Variants in BLTP2 observed in about 807,000 individuals in gnomAD.
BLTP2 encodes the protein U937-associated antigen.
the BLTP2 span, chr17:28,628,689 C>T: frequency 1.3e-6 from 1 of 752,084 alleles, no homozygotes; most frequent in Non-Finnish European, 2.1e-6. Flanking sequence ...AATCCCAGCA[C>T]TTTGGGAGGC....
the BLTP2 span, chr17:28,615,645 A>G: frequency 1.4e-3 from 2,208 of 1,611,732 alleles, 30 homozygotes; most frequent in African/African-American, 0.026. Flanking sequence ...CCAAACAGCC[A>G]TGAGCCCTGG....
At chr17:28,620,726 A>AC in the BLTP2 span, 1 of 1,387,248 alleles carries the variant, frequency 7.2e-7, no homozygotes, top group Non-Finnish European at 1.0e-6. Context: ...CCACTAGTCA[A>AC]CCCCACAGAA....
At chr17:28,639,919 T>C in the BLTP2 span, 1 of 1,614,072 alleles carries the variant, frequency 6.2e-7, no homozygotes, top group Non-Finnish European at 8.5e-7. Context: ...AGCAGTTCAG[T>C]GCTCATCTGT....
At chr17:28,623,146 C>A in the BLTP2 span, among the ~76,000 whole-genome samples, 1 of 151,382 alleles carries the variant, frequency 6.6e-6, no homozygotes, top group Non-Finnish European at 1.5e-5. Flanking sequence ...GACATACTGA[C>A]TTAAAAAAAA....
chr17:28,621,472 C>T, the BLTP2 span: 1 of 1,614,186 alleles, frequency 6.2e-7, no homozygotes, highest in Admixed American at 1.7e-5. Context: ...CCAGACTACG[C>T]TGCCGGTGCT....
the BLTP2 span, chr17:28,636,939 G>A: frequency 3.1e-6 from 5 of 1,592,858 alleles, no homozygotes; most frequent in Non-Finnish European, 4.3e-6. Context: ...AACCAGCCTG[G>A]CCCCACCTCT....
At chr17:28,614,933 C>A in the BLTP2 span, 1 of 806,682 alleles carries the variant, frequency 1.2e-6, no homozygotes, top group Non-Finnish European at 2.0e-6. Context: ...AGACCAGGTG[C>A]TGAAGAGTGA....
the BLTP2 span, chr17:28,621,421 G>T: frequency 6.2e-7 from 1 of 1,613,848 alleles, no homozygotes; most frequent in Non-Finnish European, 8.5e-7. Flanking sequence ...TAACCATGCC[G>T]CCCACTGCCT....
At chr17:28,620,624 A>G in the BLTP2 span, 1 of 1,613,902 alleles carries the variant, frequency 6.2e-7, no homozygotes, top group South Asian at 1.1e-5. Context: ...GAAGGTATCC[A>G]CAGCCCCTAG....
the BLTP2 span, chr17:28,643,938 G>A: frequency 2.3e-6 from 3 of 1,286,746 alleles, no homozygotes; most frequent in South Asian, 4.4e-5. Context: ...GCAAAGAAAT[G>A]GCAAGGCTGG....
chr17:28,616,525 T>A, the BLTP2 span: 1 of 1,614,056 alleles, frequency 6.2e-7, no homozygotes. The surrounding 1 kb of genome is among the most constrained non-coding windows in gnomAD (Gnocchi z 4.8). Context: ...AAAAAGCAAG[T>A]GTACCAGCTG....
At chr17:28,636,835 T>C in the BLTP2 span, 4 of 748,872 alleles carry the variant, frequency 5.3e-6, no homozygotes, top group Non-Finnish European at 8.7e-6. Context: ...GCCCAGTAGT[T>C]TAAGACCAGT....
chr17:28,614,510 C>T, the BLTP2 span: 5 of 228,248 alleles, frequency 2.2e-5, no homozygotes, highest in East Asian at 1.2e-4. Context: ...GTATATCCTA[C>T]GGGGAAGGGT....
At chr17:28,631,472 G>T in the BLTP2 span, 1 of 1,612,786 alleles carries the variant, frequency 6.2e-7, no homozygotes, top group Admixed American at 1.7e-5. Context: ...AGTGTGTCAG[G>T]GAGTACCTCC....
chr17:28,635,764 T>C, the BLTP2 span: 1 of 715,346 alleles, frequency 1.4e-6, no homozygotes, highest in East Asian at 2.8e-5. Flanking sequence ...GCTTTGTTCC[T>C]GTTAGCACTA....
the BLTP2 span, chr17:28,637,970 A>G: frequency 6.2e-7 from 1 of 1,614,242 alleles, no homozygotes; most frequent in Non-Finnish European, 8.5e-7. Flanking sequence ...CATCAGGGAT[A>G]AGATACGAGA....
chr17:28,625,942 T>A, the BLTP2 span, among the ~76,000 whole-genome samples: 1 of 152,142 alleles, frequency 6.6e-6, no homozygotes, highest in African/African-American at 2.4e-5. Flanking sequence ...TTTTTGTATT[T>A]TTAGTAGAGA....
At chr17:28,628,601 C>A in the BLTP2 span, 1 of 1,537,562 alleles carries the variant, frequency 6.5e-7, no homozygotes, top group South Asian at 1.1e-5. Flanking sequence ...ATGGAAATTG[C>A]CCCCAGTGCC....
the BLTP2 span, chr17:28,628,158 C>A: frequency 1.0e-6 from 1 of 963,796 alleles, no homozygotes. Flanking sequence ...AGTTTCACTT[C>A]TTTACCTAGA....
Sources: allele counts gnomAD v4.1 joint callset (sites outside exome capture counted in the v4.1 genomes callset), GRCh38; gene constraint gnomAD v4.1.1; non-coding constraint Gnocchi (gnomAD v3.1); transcripts MANE v1.5; gene names NCBI Gene and HGNC (gene_info 2026-07-23, HGNC 2026-07-21).